DSG1: variants seen among roughly 807,000 people sequenced by gnomAD.
DSG1 encodes the protein desmoglein 1.
In DSG1, 39 loss-of-function variants were observed where a neutral mutation model predicts 97.5. The ratio of observed to expected loss-of-function variants is 0.40; its 90% CI spans 0.31 to 0.52. The LOEUF is 0.52. DSG1 is among the 20% of genes least tolerant of loss of function. The pLI, the probability that DSG1 is intolerant of heterozygous loss-of-function variation, is 0.53. For synonymous variants in DSG1, 475 were observed against 443.4 expected (o/e 1.07, Z -0.90); for missense variants, 1,311 against 1,295.4 (o/e 1.01, Z -0.18).
At chr18:31,331,376 C>T (rs2071719936) in intron 5 of DSG1, among the ~76,000 whole-genome samples, 1 of 151,940 alleles carries the variant, frequency 6.6e-6, no homozygotes, top group African/African-American at 2.4e-5. Context: ...GTTGGTCTGG[C>T]CTTATTATCA....
chr18:31,334,923 A>G (rs923766107), intron 8 of DSG1, among the ~76,000 whole-genome samples: 15 of 152,206 alleles, frequency 9.9e-5, no homozygotes, highest in African/African-American at 2.7e-4. Context: ...CAACTTACAC[A>G]GTCGATTTTT....
chr18:31,322,427 C>A (rs1760276823), intron 1 of DSG1, among the ~76,000 whole-genome samples: 1 of 152,202 alleles, frequency 6.6e-6, no homozygotes, highest in Non-Finnish European at 1.5e-5. Context: ...ATTCATTTTA[C>A]ATTTCACCTG....
chr18:31,343,324 CTT>C lies in DSG1; in HGVS notation c.1688-124_1688-123del, dbSNP rs1334960832. 1.3e-5 allele frequency: 18 copies of C among 1,380,728 alleles called. No individual in the cohort carries two copies. In the East Asian group the frequency reaches 3.9e-4, roughly 30 times the overall value. 85.5% of individuals were successfully genotyped at this position (1,380,728 alleles called of 1,614,324 possible). The stretch of plus-strand genomic sequence containing the variant: ...CCATCATTCAGCTTGTATTCTGAAA[CTT>C]TCATAATTTTAGAACCAACCAGAAT... On this transcript the variant is annotated intron_variant, in intron 11 of 14. Transcript: ENST00000257192.
chr18:31,326,930 G>A lies in DSG1; in HGVS notation c.141G>A (p.Gln47=), dbSNP rs2144087826. 1.2e-6 allele frequency: 2 copies of A among 1,613,940 alleles called. No homozygotes were observed. The highest frequency in any genetic ancestry group is 1.7e-6 in the Non-Finnish European group (2 of 1,179,892). ...GTIKWHSIRR[Q]KREWIKFAAA... ...TCAAATGGCATTCAATCCGAAGGCA[G>A]AAACGTGAATGGATCAAGTTCGCAG... Residue 47 remains glutamine (Q), a synonymous_variant, in exon 3 of 15, where the codon CAG becomes CAA. Coordinates refer to ENST00000257192, the MANE Select transcript of DSG1 (RefSeq NM_001942.4).
intron 7 of DSG1, 29 bp downstream of exon 7, chr18:31,333,752 T>C (rs1464784234): frequency 1.2e-6 from 2 of 1,610,222 alleles, no homozygotes; most frequent in Non-Finnish European, 1.7e-6. Context: ...AATTAATAAA[T>C]CTAAATTCGC....
rs369988876 is a variant in DSG1, at chr18:31,353,727, G to A, written c.2101-570G>A. Among the ~76,000 whole-genome samples the A allele has an allele frequency of 9.7e-4, 148 of 152,148 alleles. 3 individuals carry two copies. In the East Asian group the frequency reaches 0.027, roughly 28 times the overall value. ...CGCAGTATTCGGGTGGGAGTGACCC[G>A]ATTTTCCAGGTGCCGTCCGTCACCC... On this transcript the variant is annotated intron_variant, in intron 14 of 14. Transcript: ENST00000257192.
At position 31,355,426 on chromosome 18, in the gene DSG1, A is replaced by C; in HGVS notation, c.*80A>C. ...CACTAAAAAACCAACAATGTGATTT[A>C]TAACGCACAACTTCGTGCTCAGGTC... On this transcript the variant is annotated 3_prime_UTR_variant, in exon 15 of 15. Coordinates refer to ENST00000257192, the MANE Select transcript of DSG1 (RefSeq NM_001942.4). 2.1e-6 allele frequency: 3 copies of C among 1,414,028 alleles called. No individual in the cohort carries two copies. Among genetic ancestry groups the C allele is most frequent in the Non-Finnish European group, 3.0e-6 (3 of 1,015,772 alleles). The allele number at this position is 1,414,028 out of a possible 1,614,324, so 87.6% of individuals were successfully genotyped here.
rs772134381 is a variant in DSG1 at position 31,339,903 on chromosome 18, C to G, written c.1565C>G (p.Thr522Ser). 1 of 1,614,120 alleles carries G rather than the reference C, an allele frequency of 6.2e-7. No individual in the cohort carries two copies. Among genetic ancestry groups the G allele is most frequent in the Admixed American group, 1.7e-5 (1 of 60,028 alleles). Reference sequence around the variant, plus strand: ...AACTATGATACCAGCACAACTTCTACTGACTCTAGCCAAGTATATTCTTCT... The same window carrying G: ...AACTATGATACCAGCACAACTTCTAGTGACTCTAGCCAAGTATATTCTTCT... The part of the protein sequence containing the change: ...STNYDTSTTS[T>S]DSSQVYSSEP... The change falls in exon 11 of 15, where the codon ACT becomes AGT. Residue 522 changes from threonine (T) to serine (S), a missense_variant. Transcript: ENST00000257192.
intron 8 of DSG1, 100 bp downstream of exon 8, chr18:31,334,302 T>A: frequency 2.4e-6 from 2 of 826,204 alleles, no homozygotes; most frequent in South Asian, 1.6e-5. Context: ...CTTGGCTTAG[T>A]GAAAGAATAA....
At chr18:31,318,850 A>G (rs1453925128) in intron 1 of DSG1, among the ~76,000 whole-genome samples, 1 of 151,936 alleles carries the variant, frequency 6.6e-6, no homozygotes, top group Non-Finnish European at 1.5e-5. Context: ...TAAAGTCATC[A>G]GTTGCATATT....
chr18:31,338,405 G>A lies in DSG1; in HGVS notation c.1356G>A (p.Gln452=), dbSNP rs953480332. The change falls in exon 10 of 15, where the codon CAG becomes CAA. Residue 452 remains glutamine (Q), a synonymous_variant. Transcript: ENST00000257192. ...LTLKNKVTKE[Q]YNMLGGKYQG... ...TGAAAAATAAAGTTACCAAGGAACA[G>A]TACAATATGCTCGGAGGAAAATACC... 6.2e-7 allele frequency: 1 copy of A among 1,613,722 alleles called. No homozygotes were observed.
At chr18:31,349,521 G>C (rs1243381813) in intron 14 of DSG1, among the ~76,000 whole-genome samples, 1 of 144,616 alleles carries the variant, frequency 6.9e-6, no homozygotes, top group Non-Finnish European at 1.5e-5. Flanking sequence ...TTGGTAGCTT[G>C]ATGGGGATGG....
chr18:31,321,043 G>T (rs2071650285), intron 1 of DSG1, among the ~76,000 whole-genome samples: 1 of 151,752 alleles, frequency 6.6e-6, no homozygotes, highest in Non-Finnish European at 1.5e-5. Flanking sequence ...GATTATTTTG[G>T]TTCATTATAG....
At position 31,336,544 on chromosome 18, in the gene DSG1, G is replaced by A; in HGVS notation, c.1196G>A (p.Gly399Glu). 1 of 1,613,972 alleles carries A rather than the reference G, an allele frequency of 6.2e-7. No individual in the cohort carries two copies. Among genetic ancestry groups the A allele is most frequent in the Non-Finnish European group, 8.5e-7 (1 of 1,179,920 alleles). The change falls in exon 9 of 15, where the codon GGA becomes GAA. Residue 399 changes from glycine to glutamate, a missense_variant. Gly to Glu is a moderately conservative substitution (Grantham distance 98, BLOSUM62 -2). This residue lies in a region of DSG1 where 1,038 missense variants were observed against 964.6 expected (regional missense o/e 1.08). Transcript: ENST00000257192. ...SKTYVVTGNMGSNDKVGDFVA... is the reference protein window; with the variant it reads ...SKTYVVTGNMESNDKVGDFVA... Reference sequence around the variant, plus strand: ...ACATATGTTGTAACTGGTAATATGGGATCAAATGATAAAGTGGGAGACTTT... The same window carrying A: ...ACATATGTTGTAACTGGTAATATGGAATCAAATGATAAAGTGGGAGACTTT...
In DSG1 at chr18:31,342,735, G is replaced by A. The variant is rs568712434; in HGVS notation, c.1688-715G>A. On this transcript the variant is annotated intron_variant, in intron 11 of 14. Transcript: ENST00000257192. ...ATAAGATTTTACTGTTGAAATAAAG[G>A]CAAGCATATGTTAAAGGAAGACAAT... Among the ~76,000 whole-genome samples, 16 of 152,280 alleles carry A rather than the reference G, an allele frequency of 1.1e-4. 1 individual carries two copies. The South Asian group carries it at 3.3e-3, about 32-fold the overall frequency.
chr18:31,340,781 G>A (rs534231032), intron 11 of DSG1, among the ~76,000 whole-genome samples: 1 of 152,286 alleles, frequency 6.6e-6, no homozygotes, highest in South Asian at 2.1e-4. Flanking sequence ...TGAAAGTTTA[G>A]ACTAAAAGAT....
At chr18:31,324,112 T>C (rs1481633113) in intron 1 of DSG1, among the ~76,000 whole-genome samples, 1 of 150,586 alleles carries the variant, frequency 6.6e-6, no homozygotes, top group African/African-American at 2.4e-5. Flanking sequence ...GCCTCCCAAG[T>C]AGCTGGGACT....
intron 8 of DSG1, among the ~76,000 whole-genome samples, chr18:31,335,927 T>C (rs766221216): frequency 4.0e-5 from 6 of 151,748 alleles, no homozygotes; most frequent in Non-Finnish European, 5.9e-5. Flanking sequence ...ATAGTTCTTA[T>C]GGATAAAACC....
At chr18:31,333,869 GA>G in intron 7 of DSG1, 146 bp downstream of exon 7, 1 of 1,179,812 alleles carries the variant, frequency 8.5e-7, no homozygotes, top group Non-Finnish European at 1.2e-6. Flanking sequence ...GTTTATGCAA[GA>G]ATAAATGGAG....
Sources: allele counts gnomAD v4.1 joint callset (sites outside exome capture counted in the v4.1 genomes callset), GRCh38; gene constraint gnomAD v4.1.1; regional missense constraint gnomAD v4.1.1; transcripts MANE v1.5; gene names NCBI Gene and HGNC (gene_info 2026-07-23, HGNC 2026-07-21).